CSMD1: variants seen among roughly 807,000 people sequenced by gnomAD.
CSMD1 encodes the protein CUB and sushi domain-containing protein 1.
A neutral mutation model predicts 417.5 loss-of-function variants in CSMD1; 213 were observed. That is an observed-to-expected ratio of 0.51 (90% CI 0.46 to 0.57). CSMD1 has a LOEUF of 0.57. CSMD1 is among the 20% of genes least tolerant of loss of function. The pLI, the probability that CSMD1 is intolerant of heterozygous loss-of-function variation, is 0.00. For missense variants in CSMD1, 6,923 were observed against 4,529.7 expected, an observed-to-expected ratio of 1.53 and a Z score of -15.17; for synonymous variants, 2,862 against 1,736.8, an observed-to-expected ratio of 1.65 and a Z score of -16.11.
intron 5 of CSMD1, among the ~76,000 whole-genome samples, chr8:3,906,739 T>G (rs1327400807): frequency 6.6e-6 from 1 of 152,172 alleles, no homozygotes. Flanking sequence ...TTCCTCATCT[T>G]TGATACTGTA....
intron 6 of CSMD1, among the ~76,000 whole-genome samples, chr8:3,712,549 A>G (rs1196405857): frequency 6.6e-6 from 1 of 152,228 alleles, no homozygotes; most frequent in Non-Finnish European, 1.5e-5. Context: ...CTATTGAGTC[A>G]TTCATTCTCA....
intron 5 of CSMD1, among the ~76,000 whole-genome samples, chr8:3,990,922 C>T (rs981146073): frequency 6.6e-6 from 1 of 152,208 alleles, no homozygotes; most frequent in African/African-American, 2.4e-5. Context: ...CCTTCCTTCA[C>T]TGCCTGGTGA....
intron 1 of CSMD1, among the ~76,000 whole-genome samples, chr8:4,737,482 G>A (rs1810317404): frequency 6.6e-6 from 1 of 151,940 alleles, no homozygotes; most frequent in Non-Finnish European, 1.5e-5. Context: ...CTGTACCCCT[G>A]AAGTTAAAAT....
intron 1 of CSMD1, among the ~76,000 whole-genome samples, chr8:4,855,426 C>G (rs928232959): frequency 6.6e-6 from 1 of 152,242 alleles, no homozygotes; most frequent in South Asian, 2.1e-4. Flanking sequence ...ATGACTTTGA[C>G]GAGCTGAGAG....
chr8:3,120,759 A>G (rs1322596961), intron 41 of CSMD1, among the ~76,000 whole-genome samples: 1 of 152,088 alleles, frequency 6.6e-6, no homozygotes, highest in Non-Finnish European at 1.5e-5. Context: ...AGGCAGAAGA[A>G]TCGCTTAAAC....
chr8:4,026,055 G>C (rs942509497), intron 4 of CSMD1, among the ~76,000 whole-genome samples: 7 of 150,114 alleles, frequency 4.7e-5, no homozygotes, highest in Admixed American at 4.0e-4. Flanking sequence ...AAATAAATAA[G>C]TATTAATAGA....
At position 3,407,908 on chromosome 8, in the gene CSMD1, T is replaced by C. The variant is rs766333621; in HGVS notation, c.2062A>G (p.Thr688Ala). 1 of 1,608,012 alleles carries C rather than the reference T, an allele frequency of 6.2e-7. No individual in the cohort carries two copies. Among genetic ancestry groups the C allele is most frequent in the Non-Finnish European group, 8.5e-7 (1 of 1,175,688 alleles). The change falls in exon 14 of 70, where the codon ACT becomes GCT. Residue 688 changes from threonine (T) to alanine (A), a missense_variant. By Grantham distance (58) the Thr-to-Ala change is moderately conservative. Transcript: ENST00000635120. ...HSTTGRGFNI[T>A]YTTFGQNECH... Reference sequence around the variant, plus strand: ...GTGTGGGCGTACTTACTGGTGTAAGTGATGTTGAACCCTCTGCCAGTAGTG... The same window carrying C: ...GTGTGGGCGTACTTACTGGTGTAAGCGATGTTGAACCCTCTGCCAGTAGTG...
intron 25 of CSMD1, chr8:3,284,629 G>A (rs1192244479): frequency 2.6e-6 from 1 of 389,254 alleles, no homozygotes; most frequent in Non-Finnish European, 4.8e-6. Flanking sequence ...GATTGCTTTT[G>A]AGACTTCCAG....
At chr8:3,130,153 T>C (rs1817718735) in intron 41 of CSMD1, among the ~76,000 whole-genome samples, 1 of 152,190 alleles carries the variant, frequency 6.6e-6, no homozygotes. Flanking sequence ...ATTAAGATCA[T>C]GCTCATTAAA....
chr8:4,901,707 G>C (rs1804880336), intron 1 of CSMD1, among the ~76,000 whole-genome samples: 1 of 152,146 alleles, frequency 6.6e-6, no homozygotes, highest in African/African-American at 2.4e-5. Context: ...TAGCATATTA[G>C]CATAGAGCAT....
intron 2 of CSMD1, among the ~76,000 whole-genome samples, chr8:4,586,043 T>C (rs992964258): frequency 9.9e-5 from 15 of 152,214 alleles, no homozygotes; most frequent in Admixed American, 7.8e-4. Flanking sequence ...CATGTAATGG[T>C]TGTACGTATA....
intron 1 of CSMD1, among the ~76,000 whole-genome samples, chr8:4,977,909 C>T (rs1217326176): frequency 2.0e-5 from 3 of 152,202 alleles, no homozygotes; most frequent in African/African-American, 4.8e-5. Context: ...TTCACACATT[C>T]GAAGGTGTCC....
At chr8:3,884,642 T>C (rs1806431668) in intron 5 of CSMD1, among the ~76,000 whole-genome samples, 1 of 152,162 alleles carries the variant, frequency 6.6e-6, no homozygotes, top group African/African-American at 2.4e-5. Flanking sequence ...CGTTACTTAA[T>C]GTTGACCAAT....
In CSMD1 at chr8:3,110,048, ATCTAAGAAGTTTAT is replaced by A. The variant is rs1816400160; in HGVS notation, c.6608+96_6608+109del. 5.5e-6 allele frequency: 5 copies of A among 903,076 alleles called. No individual in the cohort carries two copies. In the East Asian group the frequency reaches 1.4e-4, roughly 25 times the overall value. 55.9% of individuals were successfully genotyped at this position (903,076 alleles called of 1,614,324 possible). Reference sequence around the variant, plus strand: ...TTCGTTGGTGAATTTCTTCTCTAGTATCTAAGAAGTTTATTCTAAATATGTGCCTTGTATATAAG... The same window carrying A: ...TTCGTTGGTGAATTTCTTCTCTAGTATCTAAATATGTGCCTTGTATATAAG... On this transcript the variant is annotated intron_variant, in intron 43 of 69. Transcript: ENST00000635120.
chr8:4,745,392 G>C (rs535311397), intron 1 of CSMD1, among the ~76,000 whole-genome samples: 2 of 152,256 alleles, frequency 1.3e-5, no homozygotes, highest in African/African-American at 4.8e-5. Context: ...GCTTTAATAA[G>C]TATTAAATAT....
chr8:4,765,496 G>C (rs540842407), intron 1 of CSMD1, among the ~76,000 whole-genome samples: 145 of 152,300 alleles, frequency 9.5e-4, no homozygotes, highest in African/African-American at 3.3e-3. Context: ...TGCCTATTTA[G>C]TTTAAAATTA....
At chr8:4,406,738 T>C (rs1327298932) in intron 3 of CSMD1, among the ~76,000 whole-genome samples, 2 of 152,198 alleles carry the variant, frequency 1.3e-5, no homozygotes, top group Admixed American at 1.3e-4. Flanking sequence ...CCAGAGAATG[T>C]ATTGTTTGCC....
rs2612620 is a variant in CSMD1, at chr8:3,179,161, T to A, written c.5725+1949A>T. Among the ~76,000 whole-genome samples the A allele has an allele frequency of 9.8e-4, 140 of 142,992 alleles. 1 individual carries two copies. Among genetic ancestry groups the A allele is most frequent in the African/African-American group, 2.8e-3 (112 of 40,078 alleles). The allele number at this position is 142,992 out of a possible 152,430, so 93.8% of individuals were successfully genotyped here. A position where few individuals can be genotyped will look rare whatever the true frequency, so the allele number is the denominator to read the frequency against. ...GGGGTTTCAACGTGTTAGCCAGGACTGTCTCGATCTCCTGACCTCGTGATC... is the reference window on the plus strand; with the variant it reads ...GGGGTTTCAACGTGTTAGCCAGGACAGTCTCGATCTCCTGACCTCGTGATC... On this transcript the variant is annotated intron_variant, in intron 37 of 69. Coordinates refer to ENST00000635120, the MANE Select transcript of CSMD1 (RefSeq NM_033225.6).
intron 3 of CSMD1, among the ~76,000 whole-genome samples, chr8:4,281,537 G>A (rs951418769): frequency 6.6e-6 from 1 of 152,134 alleles, no homozygotes; most frequent in Admixed American, 6.5e-5. Context: ...CACATTAAAG[G>A]TCCTTTAAAA....
Sources: allele counts gnomAD v4.1 joint callset (sites outside exome capture counted in the v4.1 genomes callset), GRCh38; gene constraint gnomAD v4.1.1; transcripts MANE v1.5; gene names NCBI Gene and HGNC (gene_info 2026-07-23, HGNC 2026-07-21).